The following PSMB7 variants were observed in gnomAD, a reference collection of about 807,000 sequenced individuals.
PSMB7 encodes proteasome 20S subunit beta 7.
In PSMB7, 5 loss-of-function variants were observed where a neutral mutation model predicts 28.1. The ratio of observed to expected loss-of-function variants is 0.18; its 90% confidence interval spans 0.09 to 0.37. The LOEUF is 0.37. Ranked by LOEUF, PSMB7 falls within the 10% of genes least tolerant of loss-of-function variation. The probability of loss-of-function intolerance (pLI) is 1.00; values close to 1 mark genes in which losing one functional copy is unlikely to be tolerated. For synonymous variants in PSMB7, 122 were observed against 123.7 expected (o/e 0.99, Z 0.09); for missense variants, 275 against 346.2 (o/e 0.79, Z 1.63).
intron 5 of PSMB7, among the ~76,000 whole-genome samples, chr9:124,401,919 T>C (rs1231335659): frequency 2.6e-5 from 4 of 151,402 alleles, no homozygotes; most frequent in African/African-American, 9.7e-5. Context: ...CTCGGGAGGC[T>C]GAGGCAGGAG....
chr9:124,403,132 C>T (rs748089881), intron 5 of PSMB7, among the ~76,000 whole-genome samples: 3 of 151,930 alleles, frequency 2.0e-5, no homozygotes, highest in Non-Finnish European at 2.9e-5. Context: ...ACAACCTGTT[C>T]GAATTTCTGG....
intron 5 of PSMB7, among the ~76,000 whole-genome samples, chr9:124,404,160 A>G (rs1028571644): frequency 3.3e-5 from 5 of 151,982 alleles, no homozygotes; most frequent in African/African-American, 7.3e-5. Flanking sequence ...AAAGCACTAG[A>G]TTACAGGCAT....
intron 6 of PSMB7, among the ~76,000 whole-genome samples, chr9:124,369,442 T>C (rs1830539895): frequency 6.6e-6 from 1 of 152,092 alleles, no homozygotes; most frequent in African/African-American, 2.4e-5. Flanking sequence ...TCAAAGGACA[T>C]CTGAAAAGTC....
intron 7 of PSMB7, among the ~76,000 whole-genome samples, chr9:124,355,067 G>A (rs1330811): frequency 0.48 from 73,024 of 152,102 alleles, 18,322 homozygotes; most frequent in Non-Finnish European, 0.56. Flanking sequence ...CCGCACCCTA[G>A]CATCCACCCT....
intron 3 of PSMB7, among the ~76,000 whole-genome samples, 198 bp downstream of exon 3, chr9:124,413,710 C>T (rs543837074): frequency 1.3e-5 from 2 of 152,232 alleles, no homozygotes; most frequent in South Asian, 4.1e-4. Context: ...GCAAAACTGG[C>T]CACCAATTCA....
intron 5 of PSMB7, among the ~76,000 whole-genome samples, chr9:124,404,087 G>A (rs1414636180): frequency 6.6e-6 from 1 of 151,718 alleles, no homozygotes; most frequent in Non-Finnish European, 1.5e-5. Context: ...ACCGGGTCTT[G>A]CTATGTTGCC....
chr9:124,365,696 T>A (rs1306415821), intron 6 of PSMB7, among the ~76,000 whole-genome samples: 3 of 151,908 alleles, frequency 2.0e-5, no homozygotes, highest in Non-Finnish European at 2.9e-5. Context: ...ACGCTGGGAG[T>A]CCTGAGCTCA....
intron 6 of PSMB7, among the ~76,000 whole-genome samples, chr9:124,363,778 G>A (rs971087830): frequency 5.3e-5 from 8 of 152,114 alleles, no homozygotes; most frequent in African/African-American, 1.9e-4. Context: ...AGTTTTAGGG[G>A]TTTTAAGTGG....
chr9:124,401,744 G>A (rs73588233), intron 5 of PSMB7, among the ~76,000 whole-genome samples: 50 of 152,284 alleles, frequency 3.3e-4, no homozygotes, highest in African/African-American at 1.2e-3. Flanking sequence ...GATGAGGCCG[G>A]GTGCAGTGGC....
At position 124,356,850 on chromosome 9, in the gene PSMB7, G is replaced by A. The variant is rs774162292; in HGVS notation, c.636C>T (p.Ser212=). The A allele has an allele frequency of 3.8e-5, 62 of 1,613,996 alleles. No individual in the cohort carries two copies. The highest frequency in any genetic ancestry group is 2.2e-4 in the Admixed American group (13 of 59,998). The change falls in exon 7 of 8, where the codon TCC becomes TCT. Residue 212 remains serine, a synonymous_variant. Transcript: ENST00000259457. This position sits in a 1 kb window ranked among gnomAD's most constrained non-coding sequence, Gnocchi z 4.4. ...TGACGCAGAGGTCAATGTTGCTTCC[G>A]GAGCCCAGGTCGTTGAAGATGCCAG... is the stretch of plus-strand genomic sequence containing the variant. ...IAAGIFNDLG[S]GSNIDLCVIS...
Position 124,359,027 on chromosome 9 carries a change from G to C in PSMB7, c.571-2112C>G, listed in dbSNP as rs3739477. ...GCAGACTGCTGACAGTGCTATGTAAGATTATGAGTGATCCTCCCTCTATTT... is the reference window on the plus strand; with the variant it reads ...GCAGACTGCTGACAGTGCTATGTAACATTATGAGTGATCCTCCCTCTATTT... On this transcript the variant is annotated intron_variant, in intron 6 of 7. Transcript: ENST00000259457. Among the ~76,000 whole-genome samples the C allele has an allele frequency of 5.8e-4, 88 of 152,360 alleles. 2 individuals carry two copies. In the East Asian group the frequency reaches 0.017, roughly 29 times the overall value.
chr9:124,396,968 T>C (rs1830849552), intron 5 of PSMB7: 2 of 369,320 alleles, frequency 5.4e-6, no homozygotes, highest in African/African-American at 2.1e-5. Flanking sequence ...TTGCCTAGCT[T>C]TTAACAATCA....
At chr9:124,406,238 C>A (rs899105164) in intron 4 of PSMB7, among the ~76,000 whole-genome samples, 1 of 152,030 alleles carries the variant, frequency 6.6e-6, no homozygotes, top group Non-Finnish European at 1.5e-5. Context: ...CATGGTGGCT[C>A]ACACCTATAA....
intron 6 of PSMB7, among the ~76,000 whole-genome samples, chr9:124,365,878 G>A (rs1405351752): frequency 6.6e-6 from 1 of 152,140 alleles, no homozygotes; most frequent in East Asian, 1.9e-4. Flanking sequence ...TCGTGCCACC[G>A]CACTCCAGCC....
intron 4 of PSMB7, 34 bp from the exon 5 acceptor site, chr9:124,405,466 T>G (rs1350388620): frequency 7.0e-7 from 1 of 1,434,444 alleles, no homozygotes; most frequent in Non-Finnish European, 9.8e-7. Context: ...AAAAAAAACA[T>G]GAGTCCACAA....
At chr9:124,395,841 G>A (rs964524000) in intron 5 of PSMB7, among the ~76,000 whole-genome samples, 17 of 152,184 alleles carry the variant, frequency 1.1e-4, no homozygotes, top group African/African-American at 3.9e-4. Context: ...ACTTCATTCA[G>A]GGGTTTTCAG....
intron 5 of PSMB7, among the ~76,000 whole-genome samples, chr9:124,387,568 CAA>C (rs1830738968): frequency 6.6e-6 from 1 of 152,040 alleles, no homozygotes; most frequent in Admixed American, 6.5e-5. Flanking sequence ...CCCATGAAAT[CAA>C]AGACAAGAGG....
At position 124,412,377 on chromosome 9, in the gene PSMB7, G is replaced by T; in HGVS notation, c.370C>A (p.Arg124=). The T allele has an allele frequency of 6.2e-7, 1 of 1,614,068 alleles. No homozygotes were observed. The highest frequency in any genetic ancestry group is 8.5e-7 in the Non-Finnish European group (1 of 1,179,954). Residue 124 remains arginine (R), a synonymous_variant, in exon 4 of 8, where the codon CGG becomes AGG. Transcript: ENST00000259457. ...CTGAAAAGCATCTGCTTCAGCATCC[G>T]ATTGGCTGTCACAACTCTGGGAAGA... The part of the protein sequence containing the change: ...GRLPRVVTAN[R]MLKQMLFRYQ...
At chr9:124,407,042 T>A (rs1288923186) in intron 4 of PSMB7, among the ~76,000 whole-genome samples, 1 of 152,216 alleles carries the variant, frequency 6.6e-6, no homozygotes, top group Non-Finnish European at 1.5e-5. Context: ...TTTGTCAACA[T>A]AAATTGCTCT....
Sources: gnomAD v4.1 joint callset for allele counts (sites outside exome capture counted in the v4.1 genomes callset) on GRCh38, gnomAD v4.1.1 for gene constraint, Gnocchi (gnomAD v3.1) non-coding constraint, MANE v1.5 for transcripts, NCBI Gene and HGNC (gene_info 2026-07-23, HGNC 2026-07-21) for gene names.